ARHGEF28: variants seen among roughly 807,000 people sequenced by gnomAD.
ARHGEF28 encodes the protein Rho guanine nucleotide exchange factor 28.
In ARHGEF28, 152 loss-of-function variants were observed where a neutral mutation model predicts 206.6. The ratio of observed to expected loss-of-function variants is 0.74; its 90% CI spans 0.64 to 0.84. The LOEUF (loss-of-function observed/expected upper bound fraction) is 0.84, where lower values mean the gene tolerates loss of function less well. Ranked by LOEUF, ARHGEF28 falls within the 40% of genes least tolerant of loss-of-function variation. The pLI is 0.00. For missense variants in ARHGEF28, 2,028 were observed against 2,073.2 expected (o/e 0.98, Z 0.42); for synonymous variants, 763 against 776.4 (o/e 0.98, Z 0.29).
chr5:73,874,303 T>G (rs1760297039), intron 22 of ARHGEF28, among the ~76,000 whole-genome samples: 1 of 152,168 alleles, frequency 6.6e-6, no homozygotes, highest in South Asian at 2.1e-4. Flanking sequence ...TGACAAACTT[T>G]CTCTAAATCT....
At chr5:73,836,359 G>T (rs1757638530) in intron 10 of ARHGEF28, among the ~76,000 whole-genome samples, 2 of 148,614 alleles carry the variant, frequency 1.3e-5, no homozygotes, top group African/African-American at 5.0e-5. Flanking sequence ...GTGTGAGGTG[G>T]TATCTCATTG....
intron 5 of ARHGEF28, among the ~76,000 whole-genome samples, chr5:73,774,565 C>G (rs533877665): frequency 2.2e-4 from 34 of 152,152 alleles, no homozygotes; most frequent in Non-Finnish European, 4.1e-4. Flanking sequence ...CAGACAAATG[C>G]TATGGTATGA....
intron 34 of ARHGEF28, 123 bp downstream of exon 34, chr5:73,910,020 T>G: frequency 7.4e-7 from 1 of 1,347,962 alleles, no homozygotes; most frequent in Non-Finnish European, 9.5e-7. Flanking sequence ...CATGAGGATT[T>G]TTCAATTTGT....
chr5:73,721,758 T>G (rs1030948503), intron 2 of ARHGEF28, among the ~76,000 whole-genome samples: 1 of 152,174 alleles, frequency 6.6e-6, no homozygotes, highest in Admixed American at 6.5e-5. Flanking sequence ...TGTTTTTGAT[T>G]GAGAATTGCC....
chr5:73,850,103 T>TTTTTTTTTTTTTTTTTTGA (rs1452621978), intron 13 of ARHGEF28, among the ~76,000 whole-genome samples: 1 of 151,358 alleles, frequency 6.6e-6, no homozygotes, highest in African/African-American at 2.4e-5. Flanking sequence ...TGCATTTTTA[T>TTTTTTTTTTTTTTTTTTGA]GCCATGCAGA....
Position 73,846,476 on chromosome 5 carries a change from G to A in ARHGEF28, c.1635+1G>A. The A allele has an allele frequency of 1.2e-6, 2 of 1,612,020 alleles. No individual in the cohort carries two copies. Among genetic ancestry groups the A allele is most frequent in the Non-Finnish European group, 1.7e-6 (2 of 1,178,262 alleles). On this transcript the variant is annotated splice_donor_variant, in intron 12 of 35. Coordinates refer to ENST00000513042, the MANE Select transcript of ARHGEF28 (RefSeq NM_001177693.2). LOFTEE classifies it high-confidence loss of function. ...TCTATCAAGTAATCTACAGTCGAAG[G>A]TATTCTTATTGCTATTAATTTGGTA...
chr5:73,840,419 T>C, intron 10 of ARHGEF28, 61 bp from the exon 11 acceptor site: 1 of 1,536,558 alleles, frequency 6.5e-7, no homozygotes. Context: ...ATTTTATTAA[T>C]TCTTAGCTAG....
At chr5:73,935,893 A>G (rs1007293790) in intron 35 of ARHGEF28, among the ~76,000 whole-genome samples, 1 of 152,218 alleles carries the variant, frequency 6.6e-6, no homozygotes, top group African/African-American at 2.4e-5. Flanking sequence ...TAAGACAGGG[A>G]GAGAACTGAA....
At chr5:73,689,801 C>T (rs1028115130) in intron 2 of ARHGEF28, among the ~76,000 whole-genome samples, 17 of 151,690 alleles carry the variant, frequency 1.1e-4, no homozygotes, top group African/African-American at 3.6e-4. Flanking sequence ...ACACCAGAGG[C>T]CTGCAGTCTG....
chr5:73,897,855 C>T (rs1274290131), intron 29 of ARHGEF28, 107 bp from the exon 30 acceptor site: 3 of 1,257,996 alleles, frequency 2.4e-6, no homozygotes, highest in Non-Finnish European at 3.2e-6. Context: ...GCCCCTGGGT[C>T]CTATAAAAAC....
In ARHGEF28 at chr5:73,753,058, A is replaced by G; in HGVS notation, c.331A>G (p.Thr111Ala). Residue 111 changes from threonine (T) to alanine (A), a missense_variant, in exon 4 of 36, where the codon ACA (threonine) becomes GCA (alanine). By Grantham distance (58) the Thr-to-Ala change is moderately conservative. Transcript: ENST00000513042. ...GCTGGTGACGCAGGCCAATCGCCTCACAGCCTGCAGCCACCAGACCCTGCT... is the reference window on the plus strand; with the variant it reads ...GCTGGTGACGCAGGCCAATCGCCTCGCAGCCTGCAGCCACCAGACCCTGCT... ...RLLVTQANRL[T>A]ACSHQTLLTP... 6.2e-7 allele frequency: 1 copy of G among 1,610,704 alleles called. No individual in the cohort carries two copies. The highest frequency in any genetic ancestry group is 2.2e-5 in the East Asian group (1 of 44,802).
intron 9 of ARHGEF28, among the ~76,000 whole-genome samples, chr5:73,820,709 G>A (rs74829917): frequency 1.3e-5 from 2 of 152,202 alleles, no homozygotes; most frequent in East Asian, 1.9e-4. Context: ...CTCTTCCTTC[G>A]CACTATGGTG....
chr5:73,887,670 T>C lies in ARHGEF28; in HGVS notation c.3378T>C (p.Phe1126=). 6.4e-7 allele frequency: 1 copy of C among 1,568,628 alleles called. No homozygotes were observed. Among genetic ancestry groups the C allele is most frequent in the Non-Finnish European group, 8.7e-7 (1 of 1,155,250 alleles). ...FLQEKDQKYI[F]AAVDQKPSVI... is the part of the protein sequence containing the mutation. ...AAGAAAAAGACCAGAAATACATCTT[T>C]GCAGCCGTTGTAAGTATATGACTGT... Residue 1126 remains phenylalanine (F), a synonymous_variant, in exon 26 of 36, where the codon TTT becomes TTC. Coordinates refer to ENST00000513042, the MANE Select transcript of ARHGEF28 (RefSeq NM_001177693.2).
At chr5:73,753,645 CT>C (rs1243836262) in intron 4 of ARHGEF28, among the ~76,000 whole-genome samples, 1 of 152,164 alleles carries the variant, frequency 6.6e-6, no homozygotes, top group Non-Finnish European at 1.5e-5. Flanking sequence ...GAATTGACAT[CT>C]TTGAAAGTGT....
intron 2 of ARHGEF28, among the ~76,000 whole-genome samples, chr5:73,739,654 C>A (rs1751241372): frequency 6.6e-6 from 1 of 151,234 alleles, no homozygotes; most frequent in Non-Finnish European, 1.5e-5. Flanking sequence ...CTTCTCTCTA[C>A]CAAAAAATTA....
chr5:73,941,943 C>T lies in ARHGEF28; in HGVS notation c.*930C>T, dbSNP rs939071032. 2.6e-5 allele frequency: 4 copies of T among 152,080 alleles called. No homozygotes were observed. The highest frequency in any genetic ancestry group is 2.1e-4 in the South Asian group (1 of 4,814). 9.4% of individuals were successfully genotyped at this position (152,080 alleles called of 1,614,324 possible). On this transcript the variant is annotated 3_prime_UTR_variant, in exon 36 of 36. Coordinates refer to ENST00000513042, the MANE Select transcript of ARHGEF28 (RefSeq NM_001177693.2). ...AACCAGGAGATATTTTCATCTTGTT[C>T]GGAAATACTTGTATGTATTTTGGTG...
At chr5:73,796,055 A>G (rs1246469545) in intron 9 of ARHGEF28, among the ~76,000 whole-genome samples, 1 of 152,192 alleles carries the variant, frequency 6.6e-6, no homozygotes, top group Non-Finnish European at 1.5e-5. Flanking sequence ...ATCTCCTCCC[A>G]GGTACTCTCT....
Position 73,892,218 on chromosome 5 carries a change from A to G in ARHGEF28, c.3554A>G (p.Gln1185Arg). 2 of 1,563,198 alleles carry G rather than the reference A, an allele frequency of 1.3e-6. No homozygotes were observed. Among genetic ancestry groups the G allele is most frequent in the African/African-American group, 1.4e-5 (1 of 73,816 alleles). Residue 1185 changes from glutamine (Q) to arginine (R), a missense_variant, in exon 27 of 36, where the codon CAG (glutamine) becomes CGG (arginine). By Grantham distance (43) the Gln-to-Arg change is conservative (BLOSUM62 1). This residue lies in a region of ARHGEF28 where 803 missense variants were observed against 768.0 expected (regional missense o/e 1.05). Coordinates refer to ENST00000513042, the MANE Select transcript of ARHGEF28 (RefSeq NM_001177693.2). ...ERNNWMRRIQ[Q>R]AVESCPEEKG... ...AATAACTGGATGAGACGGATCCAGC[A>G]GGCTGTAGAAAGGTAACATTTCCTT...
intron 9 of ARHGEF28, among the ~76,000 whole-genome samples, chr5:73,815,861 C>T (rs1165114163): frequency 6.6e-6 from 1 of 152,152 alleles, no homozygotes; most frequent in Non-Finnish European, 1.5e-5. Context: ...CTATTTGCCA[C>T]TGATAAAAGA....
Sources: allele counts gnomAD v4.1 joint callset (sites outside exome capture counted in the v4.1 genomes callset), GRCh38; gene constraint gnomAD v4.1.1; regional missense constraint gnomAD v4.1.1; transcripts MANE v1.5; gene names NCBI Gene and HGNC (gene_info 2026-07-23, HGNC 2026-07-21).